The following MEGF11 variants were observed in gnomAD, a reference collection of about 807,000 sequenced individuals.
MEGF11 encodes the protein multiple epidermal growth factor-like domains protein 11.
MEGF11 carries 126 observed loss-of-function variants against 146.6 expected under a neutral mutation model. That is an observed-to-expected ratio of 0.86 (90% confidence interval 0.74 to 1.00). The LOEUF (loss-of-function observed/expected upper bound fraction) is 1.00, where lower values mean the gene tolerates loss of function less well. MEGF11 is among the 50% of genes least tolerant of loss of function. The pLI is 0.00. For synonymous variants in MEGF11, 532 were observed against 583.4 expected (o/e 0.91, Z 1.27); for missense variants, 1,509 against 1,521.2 (o/e 0.99, Z 0.13).
Position 65,987,456 on chromosome 15 carries a change from CTT to C in MEGF11, c.395-4970_395-4969del, listed in dbSNP as rs552565934. Among the ~76,000 whole-genome samples the C allele has an allele frequency of 1.4e-3, 215 of 152,262 alleles. 1 individual carries two copies. Among genetic ancestry groups the C allele is most frequent in the Non-Finnish European group, 2.6e-3 (180 of 68,004 alleles). On this transcript the variant is annotated intron_variant, in intron 5 of 25. Transcript: ENST00000395614. ...GCCCTATTTCCCAAAATTTTATTCT[CTT>C]AAGATTATCTATTGTTTACTCAGAT...
chr15:66,157,361 G>A, intron 1 of MEGF11, among the ~76,000 whole-genome samples: 1 of 152,316 alleles, frequency 6.6e-6, no homozygotes, highest in Middle Eastern at 3.4e-3. Flanking sequence ...ATTAGTCAAA[G>A]TGAGCAAGGG....
At chr15:66,000,534 G>GAA (rs58277872) in intron 5 of MEGF11, among the ~76,000 whole-genome samples, 41 of 145,786 alleles carry the variant, frequency 2.8e-4, no homozygotes, top group South Asian at 4.3e-4. Flanking sequence ...CTGTCTCTTT[G>GAA]AAAAAAAAAA....
intron 4 of MEGF11, among the ~76,000 whole-genome samples, chr15:66,115,259 G>A (rs1319955229): frequency 6.6e-6 from 1 of 152,220 alleles, no homozygotes; most frequent in African/African-American, 2.4e-5. Context: ...GATCTGGAGA[G>A]ACAAGTCGCA....
intron 1 of MEGF11, among the ~76,000 whole-genome samples, chr15:66,192,635 G>T (rs1234026929): frequency 6.6e-6 from 1 of 152,126 alleles, no homozygotes; most frequent in Admixed American, 6.5e-5. Context: ...CAAGGTCACA[G>T]AACTAGAAGG....
chr15:66,142,996 C>G (rs1255860679), intron 1 of MEGF11, among the ~76,000 whole-genome samples: 1 of 152,202 alleles, frequency 6.6e-6, no homozygotes, highest in Non-Finnish European at 1.5e-5. Flanking sequence ...AAAGCCAAAT[C>G]AGGATCCTAG....
At chr15:66,160,134 G>C (rs1008332521) in intron 1 of MEGF11, among the ~76,000 whole-genome samples, 1 of 152,100 alleles carries the variant, frequency 6.6e-6, no homozygotes, top group Non-Finnish European at 1.5e-5. Flanking sequence ...ATCCTCCTTG[G>C]GTAGCCATGG....
chr15:66,193,299 C>G (rs1380876676), intron 1 of MEGF11, among the ~76,000 whole-genome samples: 1 of 152,186 alleles, frequency 6.6e-6, no homozygotes, highest in Non-Finnish European at 1.5e-5. Flanking sequence ...TATAGCTGCT[C>G]AGTGACTGCC....
chr15:66,013,366 CCCCACCCCAGGTCTCCAGG>C (rs1180961115), intron 5 of MEGF11, among the ~76,000 whole-genome samples: 2 of 152,152 alleles, frequency 1.3e-5, no homozygotes, highest in African/African-American at 2.4e-5. Context: ...GGCCTCCCAC[CCCCACCCCAGGTCTCCAGG>C]CCCCACAACT....
intron 1 of MEGF11, among the ~76,000 whole-genome samples, chr15:66,243,760 G>A (rs748211961): frequency 1.2e-4 from 19 of 152,054 alleles, no homozygotes; most frequent in Admixed American, 2.0e-4. Context: ...AGTCAGGCAG[G>A]GGAAGGACAG....
rs1019312571 is a variant in MEGF11, at chr15:66,031,460, G to A, written c.395-48972C>T. The stretch of plus-strand genomic sequence containing the variant: ...CACTACACTCTCTCCCATGGAGGCC[G>A]GGCTGGGGTTCTACCTCAATCCAGC... On this transcript the variant is annotated intron_variant, in intron 5 of 25. Transcript: ENST00000395614. 2.6e-5 allele frequency among the ~76,000 whole-genome samples: 4 copies of A among 152,276 alleles called. No individual in the cohort carries two copies. The South Asian group carries it at 6.2e-4, about 24-fold the overall frequency.
intron 5 of MEGF11, among the ~76,000 whole-genome samples, chr15:66,050,207 A>G (rs1192239643): frequency 6.6e-6 from 1 of 152,228 alleles, no homozygotes; most frequent in Non-Finnish European, 1.5e-5. Context: ...CTACAGGTGC[A>G]CATCAGCACA....
chr15:65,924,686 T>G (rs1197190764), intron 13 of MEGF11, among the ~76,000 whole-genome samples: 1 of 144,312 alleles, frequency 6.9e-6, no homozygotes, highest in Non-Finnish European at 1.5e-5. Flanking sequence ...GGGAGTGCAG[T>G]GGTGTGATCT....
At chr15:66,224,453 G>A (rs946770546) in intron 1 of MEGF11, among the ~76,000 whole-genome samples, 18 of 151,786 alleles carry the variant, frequency 1.2e-4, no homozygotes, top group Admixed American at 9.8e-4. Context: ...GCATGGTGGC[G>A]CATGCCTGTA....
chr15:65,970,425 A>G, intron 8 of MEGF11, 128 bp downstream of exon 8: 1 of 1,023,596 alleles, frequency 9.8e-7, no homozygotes, highest in Non-Finnish European at 1.4e-6. Context: ...CTGGCAGGAG[A>G]GCTCAGAGTG....
At chr15:65,904,125 T>C (rs926003212) in intron 24 of MEGF11, among the ~76,000 whole-genome samples, 2 of 152,238 alleles carry the variant, frequency 1.3e-5, no homozygotes, top group African/African-American at 2.4e-5. Flanking sequence ...CTAATCAATG[T>C]ACAGGACAAC....
rs531158399 is a variant in MEGF11, at chr15:66,203,655, C to T, written c.-9+49950G>A. Among the ~76,000 whole-genome samples, 238 of 152,298 alleles carry T rather than the reference C, an allele frequency of 1.6e-3. No homozygotes were observed. In the Middle Eastern group the frequency reaches 0.027, roughly 17 times the overall value. On this transcript the variant is annotated intron_variant, in intron 1 of 25. Transcript: ENST00000395614. ...CCCTAAGCACCTTTGCTCCTTTCTA[C>T]CCTCTCCACCAAAATCAGCCAAAAC...
chr15:66,048,194 C>T (rs2084299482), intron 5 of MEGF11, among the ~76,000 whole-genome samples: 1 of 152,206 alleles, frequency 6.6e-6, no homozygotes, highest in Non-Finnish European at 1.5e-5. Context: ...GATCTGCCCG[C>T]CTTGGCCTCC....
chr15:66,098,121 C>T (rs1008401040), intron 4 of MEGF11, among the ~76,000 whole-genome samples: 1 of 152,148 alleles, frequency 6.6e-6, no homozygotes, highest in Non-Finnish European at 1.5e-5. Flanking sequence ...CGGGAACAAA[C>T]GTGTTCAGAG....
At chr15:65,940,439 A>T (rs2079947663) in intron 10 of MEGF11, among the ~76,000 whole-genome samples, 1 of 152,220 alleles carries the variant, frequency 6.6e-6, no homozygotes, top group Non-Finnish European at 1.5e-5. Flanking sequence ...TGGGACTCCC[A>T]AGTGGGGAGC....
Sources: allele counts gnomAD v4.1 joint callset (sites outside exome capture counted in the v4.1 genomes callset), GRCh38; gene constraint gnomAD v4.1.1; transcripts MANE v1.5; gene names NCBI Gene and HGNC (gene_info 2026-07-23, HGNC 2026-07-21).